The following NFIA variants were observed in gnomAD, a reference collection of about 807,000 sequenced individuals.
NFIA encodes nuclear factor 1 A-type.
NFIA carries 8 observed loss-of-function variants against 62.8 expected under a neutral mutation model. The observed-to-expected ratio is 0.13, with a 90% confidence interval of 0.07 to 0.23. The LOEUF is 0.23. Among genes scored for constraint, NFIA ranks in the 10% least tolerant of loss-of-function variants. The pLI, the probability that NFIA is intolerant of heterozygous loss-of-function variation, is 1.00. For synonymous variants in NFIA, 235 were observed against 238.1 expected, an observed-to-expected ratio of 0.99 and a Z score of 0.12; for missense variants, 410 against 642.1, an observed-to-expected ratio of 0.64 and a Z score of 3.91.
At chr1:61,364,339 A>G (rs912252016) in intron 6 of NFIA, among the ~76,000 whole-genome samples, 1 of 152,192 alleles carries the variant, frequency 6.6e-6, no homozygotes. Flanking sequence ...CTGTATCTCT[A>G]ACATCCATAA....
At chr1:61,398,430 C>G (rs969807519) in intron 7 of NFIA, among the ~76,000 whole-genome samples, 1 of 152,100 alleles carries the variant, frequency 6.6e-6, no homozygotes, top group African/African-American at 2.4e-5. Context: ...AGAATTTGAT[C>G]TCTTAGAAAA....
At chr1:61,210,869 G>A (rs966730865) in intron 2 of NFIA, among the ~76,000 whole-genome samples, 13 of 152,200 alleles carry the variant, frequency 8.5e-5, no homozygotes, top group African/African-American at 2.9e-4. Flanking sequence ...GAAGAGAAGA[G>A]CGTAATATTC....
intron 2 of NFIA, among the ~76,000 whole-genome samples, chr1:61,110,339 T>G (rs905464856): frequency 1.3e-5 from 2 of 151,946 alleles, no homozygotes; most frequent in African/African-American, 4.8e-5. Context: ...AAGGTATCAT[T>G]TTTATGCAGC....
intron 2 of NFIA, among the ~76,000 whole-genome samples, chr1:61,201,192 A>G (rs1042797227): frequency 1.3e-5 from 2 of 152,194 alleles, no homozygotes; most frequent in African/African-American, 4.8e-5. Flanking sequence ...AAGAATCAGT[A>G]TCTTTTATCC....
chr1:61,211,479 G>T (rs1056000746), intron 2 of NFIA, among the ~76,000 whole-genome samples: 1 of 152,090 alleles, frequency 6.6e-6, no homozygotes, highest in Non-Finnish European at 1.5e-5. Flanking sequence ...TGCTTTCATG[G>T]ATTATCTCAT....
In NFIA at chr1:61,457,730, G is replaced by A. The variant is rs1028337683; in HGVS notation, c.*2410G>A. 4 of 151,322 alleles carry A rather than the reference G, an allele frequency of 2.6e-5. No individual in the cohort carries two copies. The highest frequency in any genetic ancestry group is 3.9e-4 in the East Asian group (2 of 5,176). 9.4% of individuals were successfully genotyped at this position (151,322 alleles called of 1,614,324 possible). On this transcript the variant is annotated 3_prime_UTR_variant, in exon 11 of 11. Transcript: ENST00000403491. The surrounding 1 kb of genome is among the most constrained non-coding windows in gnomAD (Gnocchi z 4.2). ...TTTTGTGATTTTTGAATGCACGTGC[G>A]CAGGAAGGGCTCCTCTTAGAGAAGC... is the stretch of plus-strand genomic sequence containing the variant.
intron 2 of NFIA, among the ~76,000 whole-genome samples, chr1:61,197,509 TTACAA>T: frequency 6.6e-6 from 1 of 151,194 alleles, no homozygotes; most frequent in Middle Eastern, 3.4e-3. Context: ...AGTGCTGGGA[TTACAA>T]GCGTGAGCCA....
At chr1:61,272,631 A>G (rs1304401561) in intron 2 of NFIA, among the ~76,000 whole-genome samples, 1 of 152,194 alleles carries the variant, frequency 6.6e-6, no homozygotes, top group African/African-American at 2.4e-5. Context: ...ACTAAAACTT[A>G]TCTAAATTTT....
chr1:61,383,660 T>A lies in NFIA; in HGVS notation c.1075+295T>A, dbSNP rs35331189. On this transcript the variant is annotated intron_variant, in intron 7 of 10. Transcript: ENST00000403491. ...ACCAAAATCAAATCTGTTCTACAAG[T>A]TGTGTGTGTGTGTGTGTGAGAGAGA... Among the ~76,000 whole-genome samples, 14,533 of 151,628 alleles carry A rather than the reference T, an allele frequency of 0.096. 900 individuals carry two copies. Among genetic ancestry groups the A allele is most frequent in the East Asian group, 0.32 (1,644 of 5,158 alleles).
At chr1:61,391,432 TCAAACACACACA>T (rs1420306954) in intron 7 of NFIA, among the ~76,000 whole-genome samples, 1 of 101,434 alleles carries the variant, frequency 9.9e-6, no homozygotes, top group Non-Finnish European at 2.0e-5. Flanking sequence ...TCTTTATGAA[TCAAACACACACA>T]CACACACACA....
In NFIA at chr1:61,406,543, GC is replaced by G. The variant is rs58081092; in HGVS notation, c.1255-5del. On this transcript the variant is annotated intron_variant, in intron 8 of 10. Coordinates refer to ENST00000403491, the MANE Select transcript of NFIA (RefSeq NM_001134673.4). ...TCTTTTTCTTGTACGTGTGTTTTCT[GC>G]CCCCCCCCCCCCCACAGCCCAATGG... 0.1 allele frequency: 87,947 copies of G among 861,998 alleles called. 2,040 individuals carry two copies. Among genetic ancestry groups the G allele is most frequent in the African/African-American group, 0.28 (10,396 of 37,134 alleles). The allele number at this position is 861,998 out of a possible 1,614,324, so 53.4% of individuals were successfully genotyped here. A position where few individuals can be genotyped will look rare whatever the true frequency, so the allele number is the denominator to read the frequency against.
At chr1:61,329,011 C>A (rs1057099398) in intron 3 of NFIA, among the ~76,000 whole-genome samples, 1 of 151,528 alleles carries the variant, frequency 6.6e-6, no homozygotes, top group African/African-American at 2.4e-5. Flanking sequence ...GCATGAGCCA[C>A]CGCACCCAGC....
At chr1:61,260,395 C>T (rs1656687485) in intron 2 of NFIA, among the ~76,000 whole-genome samples, 1 of 152,176 alleles carries the variant, frequency 6.6e-6, no homozygotes, top group African/African-American at 2.4e-5. Flanking sequence ...TGAATGTCAG[C>T]TCACTAGGTG....
intron 4 of NFIA, among the ~76,000 whole-genome samples, chr1:61,340,570 G>A (rs1363806321): frequency 6.6e-6 from 1 of 152,206 alleles, no homozygotes; most frequent in Non-Finnish European, 1.5e-5. Context: ...ATAGTCTAGT[G>A]TCTGCCACAT....
chr1:61,285,277 G>A (rs1037103342), intron 3 of NFIA, among the ~76,000 whole-genome samples: 2 of 152,156 alleles, frequency 1.3e-5, no homozygotes, highest in African/African-American at 4.8e-5. Flanking sequence ...CCAGCGTGGT[G>A]AAAGATCAGA....
At position 61,452,249 on chromosome 1, in the gene NFIA, G is replaced by T. The variant is rs559848562; in HGVS notation, c.1513-3054G>T. On this transcript the variant is annotated intron_variant, in intron 10 of 10. Transcript: ENST00000403491. ...TGATTAGGAGAAAATTCAGGGAGATGTATGAATTATTATTATTATTATTAT... is the reference window on the plus strand; with the variant it reads ...TGATTAGGAGAAAATTCAGGGAGATTTATGAATTATTATTATTATTATTAT... Among the ~76,000 whole-genome samples, 9 of 112,684 alleles carry T rather than the reference G, an allele frequency of 8.0e-5. No individual in the cohort carries two copies. In the Admixed American group the frequency reaches 8.9e-4, roughly 11 times the overall value. 73.9% of individuals were successfully genotyped at this position (112,684 alleles called of 152,430 possible). A position where few individuals can be genotyped will look rare whatever the true frequency, so the allele number is the denominator to read the frequency against.
At chr1:61,349,260 C>T (rs1279167839) in intron 4 of NFIA, among the ~76,000 whole-genome samples, 2 of 151,936 alleles carry the variant, frequency 1.3e-5, no homozygotes, top group Admixed American at 6.6e-5. Flanking sequence ...GCCCTTAGAG[C>T]CTGTTACTGA....
At chr1:61,171,789 A>T (rs763896734) in intron 2 of NFIA, among the ~76,000 whole-genome samples, 9 of 152,180 alleles carry the variant, frequency 5.9e-5, no homozygotes, top group Non-Finnish European at 1.2e-4. Context: ...CTTAATTCTC[A>T]TCTTCTGTAC....
chr1:61,403,369 A>C (rs924111772), intron 7 of NFIA, among the ~76,000 whole-genome samples: 5 of 152,188 alleles, frequency 3.3e-5, no homozygotes, highest in Admixed American at 3.3e-4. Context: ...TTCACATGAA[A>C]TTTACCAGGG....
Sources: allele counts gnomAD v4.1 joint callset (sites outside exome capture counted in the v4.1 genomes callset), GRCh38; gene constraint gnomAD v4.1.1; non-coding constraint Gnocchi (gnomAD v3.1); transcripts MANE v1.5; gene names NCBI Gene and HGNC (gene_info 2026-07-23, HGNC 2026-07-21).